The following ANO4 variants were observed in gnomAD, a reference collection of about 807,000 sequenced individuals.
ANO4 encodes the protein anoctamin 4.
In ANO4, 69 loss-of-function variants were observed where a neutral mutation model predicts 141.9. The observed-to-expected ratio is 0.49, with a 90% CI of 0.40 to 0.59. The LOEUF (loss-of-function observed/expected upper bound fraction) is 0.59. Ranked by LOEUF, ANO4 falls within the 20% of genes least tolerant of loss-of-function variation. The pLI, the probability that ANO4 is intolerant of heterozygous loss-of-function variation, is 0.00. For synonymous variants in ANO4, 350 were observed against 394.3 expected (o/e 0.89, Z 1.33); for missense variants, 894 against 1,162.2 (o/e 0.77, Z 3.36).
intron 3 of ANO4, among the ~76,000 whole-genome samples, chr12:100,757,666 G>T (rs2032672136): frequency 6.6e-6 from 1 of 152,218 alleles, no homozygotes; most frequent in African/African-American, 2.4e-5. Flanking sequence ...GTTAGTTCCT[G>T]ATAAGTGGAT....
In ANO4 at chr12:101,040,041, C is replaced by G; in HGVS notation, c.984C>G (p.Gly328=). The change falls in exon 11 of 28, where the codon GGC becomes GGG. Residue 328 remains glycine (G), a synonymous_variant. Transcript: ENST00000392977. Reference sequence around the variant, plus strand: ...TCTATGAGTGCTGGGCCTCCTGGGGCGTGTGGTATAAATACCAACCTTTGG... The same window carrying G: ...TCTATGAGTGCTGGGCCTCCTGGGGGGTGTGGTATAAATACCAACCTTTGG... ...HLLYECWASW[G]VWYKYQPLDL... 6.2e-7 allele frequency: 1 copy of G among 1,613,040 alleles called. No individual in the cohort carries two copies. The highest frequency in any genetic ancestry group is 8.5e-7 in the Non-Finnish European group (1 of 1,179,204).
chr12:100,723,011 A>G (rs2030936171), intron 1 of ANO4, among the ~76,000 whole-genome samples: 1 of 151,822 alleles, frequency 6.6e-6, no homozygotes, highest in Non-Finnish European at 1.5e-5. Context: ...ACCACCTGAC[A>G]TGCTTGTTAT....
chr12:100,951,882 T>G (rs2042983274), intron 5 of ANO4, among the ~76,000 whole-genome samples: 1 of 152,190 alleles, frequency 6.6e-6, no homozygotes, highest in African/African-American at 2.4e-5. Context: ...TATTCTGTGC[T>G]TTACAGGATA....
intron 7 of ANO4, 148 bp downstream of exon 7, chr12:100,975,037 G>C: frequency 1.1e-6 from 1 of 887,642 alleles, no homozygotes. Flanking sequence ...AGCTGTGTCT[G>C]ATTAGCCTGA....
At chr12:100,974,709 T>G in intron 6 of ANO4, 136 bp from the exon 7 acceptor site, 1 of 895,188 alleles carries the variant, frequency 1.1e-6, no homozygotes, top group Non-Finnish European at 1.9e-6. Context: ...TTTCTCACTG[T>G]TAATCTCTTT....
At chr12:100,937,517 T>C (rs12817613) in intron 3 of ANO4, among the ~76,000 whole-genome samples, 19,610 of 152,184 alleles carry the variant, frequency 0.13, 1,587 homozygotes, top group East Asian at 0.41. Context: ...CATAAGCACC[T>C]AGCACAGTAC....
chr12:100,847,036 C>T (rs1450926927), intron 1 of ANO4, among the ~76,000 whole-genome samples: 1 of 152,168 alleles, frequency 6.6e-6, no homozygotes, highest in Non-Finnish European at 1.5e-5. Flanking sequence ...CAGATTAGGT[C>T]CCAGTGGTGT....
At chr12:100,942,671 G>T in intron 5 of ANO4, 136 bp downstream of exon 5, 4 of 919,244 alleles carry the variant, frequency 4.4e-6, no homozygotes, top group East Asian at 2.7e-5. Flanking sequence ...CAGAGTTTGG[G>T]GAATGTTCCA....
chr12:101,116,157 A>C (rs902921023), intron 24 of ANO4, among the ~76,000 whole-genome samples: 3 of 152,204 alleles, frequency 2.0e-5, no homozygotes, highest in African/African-American at 7.2e-5. Context: ...AGGAAGAGGT[A>C]GGGAATTCTA....
chr12:100,729,659 A>G (rs1326315755), intron 1 of ANO4, among the ~76,000 whole-genome samples: 3 of 152,200 alleles, frequency 2.0e-5, no homozygotes, highest in South Asian at 4.1e-4. Context: ...ACATGATTTT[A>G]TCATTTAACT....
chr12:100,987,549 C>G lies in ANO4; in HGVS notation c.613C>G (p.Gln205Glu). The G allele has an allele frequency of 6.2e-7, 1 of 1,613,732 alleles. No individual in the cohort carries two copies. Among genetic ancestry groups the G allele is most frequent in the Non-Finnish European group, 8.5e-7 (1 of 1,179,826 alleles). The change falls in exon 8 of 28, where the codon CAA becomes GAA. Residue 205 changes from glutamine to glutamate, a missense_variant. Physicochemically the swap from Gln to Glu is conservative, Grantham distance 29 (BLOSUM62 2). Coordinates refer to ENST00000392977, the MANE Select transcript of ANO4 (RefSeq NM_001286615.2). ...RYKFMSRIDK[Q>E]ISRFRRWLPK... ...TTCCATGTACCACAGGATCGATAAACAAATAAGCAGGTTTCGGAGATGGTT... is the reference window on the plus strand; with the variant it reads ...TTCCATGTACCACAGGATCGATAAAGAAATAAGCAGGTTTCGGAGATGGTT...
At chr12:101,060,230 C>T (rs11561320) in intron 14 of ANO4, among the ~76,000 whole-genome samples, 20,244 of 152,256 alleles carry the variant, frequency 0.13, 1,413 homozygotes, top group East Asian at 0.21. Flanking sequence ...TTTGATTGCA[C>T]TGTGGTCTGA....
intron 5 of ANO4, among the ~76,000 whole-genome samples, chr12:100,961,964 T>C (rs191068141): frequency 1.3e-5 from 2 of 152,316 alleles, no homozygotes; most frequent in Non-Finnish European, 2.9e-5. Context: ...AGACTTGACA[T>C]GGGGATCACC....
rs2048252993 is a variant in ANO4 at position 101,059,323 on chromosome 12, CT to C, written c.1312+10929del. On this transcript the variant is annotated intron_variant, in intron 14 of 27. Coordinates refer to ENST00000392977, the MANE Select transcript of ANO4 (RefSeq NM_001286615.2). Reference sequence around the variant, plus strand: ...ATCAGTGATATTGGCCTGAAATTTTCTTTTTTTGTTGTGTCTCTGCTAGGTT... The same window carrying C: ...ATCAGTGATATTGGCCTGAAATTTTCTTTTTTGTTGTGTCTCTGCTAGGTT... Among the ~76,000 whole-genome samples the C allele has an allele frequency of 2.0e-5, 3 of 152,090 alleles. No homozygotes were observed. In the South Asian group the frequency reaches 6.2e-4, roughly 32 times the overall value.
chr12:100,828,843 C>A (rs1039355504), intron 1 of ANO4, among the ~76,000 whole-genome samples: 19 of 152,066 alleles, frequency 1.2e-4, no homozygotes, highest in South Asian at 6.2e-4. Context: ...CATGGTAAAA[C>A]CCCATCTCTA....
chr12:101,068,609 TC>T, intron 14 of ANO4: 1 of 1,417,630 alleles, frequency 7.1e-7, no homozygotes. Context: ...GCTGATGCAG[TC>T]CTTTTTACTG....
chr12:100,782,126 C>A (rs2135583171), intron 3 of ANO4, among the ~76,000 whole-genome samples: 1 of 152,248 alleles, frequency 6.6e-6, no homozygotes, highest in Non-Finnish European at 1.5e-5. Flanking sequence ...TCCTGGGGAC[C>A]TTTCTTATTC....
intron 2 of ANO4, among the ~76,000 whole-genome samples, chr12:100,736,742 G>A (rs535795625): frequency 4.6e-5 from 7 of 152,310 alleles, no homozygotes; most frequent in African/African-American, 1.7e-4. Flanking sequence ...GTCCTTATAA[G>A]AAGGGAAGAG....
chr12:100,736,242 G>A (rs767102077), intron 2 of ANO4, among the ~76,000 whole-genome samples: 17 of 152,158 alleles, frequency 1.1e-4, no homozygotes, highest in East Asian at 1.9e-4. Context: ...AAATGGAGGG[G>A]TAGATAGTGT....
Sources: allele counts gnomAD v4.1 joint callset (sites outside exome capture counted in the v4.1 genomes callset), GRCh38; gene constraint gnomAD v4.1.1; transcripts MANE v1.5; gene names NCBI Gene and HGNC (gene_info 2026-07-23, HGNC 2026-07-21).